The following MPHOSPH8 variants were observed in gnomAD, a reference collection of about 807,000 sequenced individuals.
MPHOSPH8 encodes the protein M-phase phosphoprotein 8.
MPHOSPH8 carries 45 observed loss-of-function variants against 87.3 expected under a neutral mutation model. That is an observed-to-expected ratio of 0.52 (90% CI 0.41 to 0.66). The LOEUF is 0.66. Ranked by LOEUF, MPHOSPH8 falls within the 30% of genes least tolerant of loss-of-function variation. MPHOSPH8 has a pLI of 0.00. For synonymous variants in MPHOSPH8, 366 were observed against 376.9 expected (o/e 0.97, Z 0.33); for missense variants, 883 against 1,020.2 (o/e 0.87, Z 1.83).
At chr13:19,642,521 T>C (rs1874352188) in intron 2 of MPHOSPH8, among the ~76,000 whole-genome samples, 1 of 152,166 alleles carries the variant, frequency 6.6e-6, no homozygotes, top group Non-Finnish European at 1.5e-5. Flanking sequence ...TTCCTTTAAG[T>C]TAAGAGTAAG....
intron 10 of MPHOSPH8, among the ~76,000 whole-genome samples, 183 bp from the exon 11 acceptor site, chr13:19,668,194 A>G (rs768981547): frequency 2.0e-5 from 3 of 152,220 alleles, no homozygotes; most frequent in Admixed American, 6.5e-5. Flanking sequence ...AATTCCACTG[A>G]GATGGACAAC....
At chr13:19,634,394 T>G (rs1196059796) in intron 1 of MPHOSPH8, among the ~76,000 whole-genome samples, 1 of 152,208 alleles carries the variant, frequency 6.6e-6, no homozygotes, top group African/African-American at 2.4e-5. Context: ...TCATTTGCCC[T>G]TGGAGTAAAA....
chr13:19,647,027 G>A lies in MPHOSPH8; in HGVS notation c.954G>A (p.Met318Ile), dbSNP rs200779752. ...TTGAGAAGCCCCTAGACAGTGCCAT[G>A]AGTGCTGAGGAGGATACCGATGTCA... Reference protein sequence around the residue: ...HGFEKPLDSAMSAEEDTDVRG... With the variant: ...HGFEKPLDSAISAEEDTDVRG... The change falls in exon 3 of 14, where the codon ATG becomes ATA. Residue 318 changes from methionine (M) to isoleucine (I), a missense_variant. This residue lies in a region of MPHOSPH8 where 741 missense variants were observed against 841.5 expected (regional missense o/e 0.88). Transcript: ENST00000361479. 38 of 1,605,294 alleles carry A rather than the reference G, an allele frequency of 2.4e-5. No homozygotes were observed. The Admixed American group carries it at 3.5e-4, about 15-fold the overall frequency.
At chr13:19,642,463 C>T (rs992638872) in intron 2 of MPHOSPH8, among the ~76,000 whole-genome samples, 193 bp downstream of exon 2, 53 of 152,258 alleles carry the variant, frequency 3.5e-4, no homozygotes, top group African/African-American at 1.3e-3. Flanking sequence ...ACCCAACCTA[C>T]AGTTGCAGTT....
intron 1 of MPHOSPH8, among the ~76,000 whole-genome samples, chr13:19,638,548 G>A (rs886106753): frequency 4.6e-5 from 7 of 151,826 alleles, no homozygotes; most frequent in East Asian, 1.9e-4. Context: ...AGGAGGCGAA[G>A]GTTGTGGTGA....
chr13:19,658,711 T>G (rs1021214307), intron 5 of MPHOSPH8, among the ~76,000 whole-genome samples: 3 of 152,214 alleles, frequency 2.0e-5, no homozygotes, highest in Non-Finnish European at 2.9e-5. Flanking sequence ...CCCTCCTTCC[T>G]TTGAGCTACT....
intron 12 of MPHOSPH8, chr13:19,670,804 A>T: frequency 8.2e-7 from 1 of 1,218,718 alleles, no homozygotes; most frequent in Admixed American, 3.4e-5. Context: ...TAATAAATCA[A>T]GGGAAAAATA....
At chr13:19,670,430 T>C in intron 12 of MPHOSPH8, 67 bp downstream of exon 12, 1 of 1,519,430 alleles carries the variant, frequency 6.6e-7, no homozygotes, top group Non-Finnish European at 9.0e-7. Context: ...ATGACTTAAT[T>C]TTAAATTCCT....
chr13:19,669,093 G>A (rs1875978357), intron 11 of MPHOSPH8, among the ~76,000 whole-genome samples: 1 of 152,142 alleles, frequency 6.6e-6, no homozygotes, highest in African/African-American at 2.4e-5. Flanking sequence ...TAAATGGTTT[G>A]TATTCATTCC....
intron 5 of MPHOSPH8, among the ~76,000 whole-genome samples, chr13:19,654,427 G>A (rs963951694): frequency 5.3e-5 from 8 of 152,084 alleles, no homozygotes; most frequent in Non-Finnish European, 1.2e-4. Flanking sequence ...GTATGCCTGT[G>A]TAACAGACCT....
At chr13:19,642,685 T>TAA (rs75653621) in intron 2 of MPHOSPH8, among the ~76,000 whole-genome samples, 11 of 142,140 alleles carry the variant, frequency 7.7e-5, no homozygotes, top group Admixed American at 1.4e-4. Flanking sequence ...GGACCTGGTT[T>TAA]AAAAAAAAAA....
At chr13:19,663,276 A>C (rs991015340) in intron 9 of MPHOSPH8, 150 bp downstream of exon 9, 3 of 707,998 alleles carry the variant, frequency 4.2e-6, no homozygotes, top group Non-Finnish European at 7.3e-6. Context: ...GGAGAAGGAG[A>C]AGCGGGCTGG....
At chr13:19,655,812 A>G (rs959300663) in intron 5 of MPHOSPH8, among the ~76,000 whole-genome samples, 6 of 152,200 alleles carry the variant, frequency 3.9e-5, no homozygotes, top group African/African-American at 1.4e-4. Flanking sequence ...ATTGGAAAGG[A>G]ACGGGGAGGG....
rs34817892 is a variant in MPHOSPH8 at position 19,659,955 on chromosome 13, A to ATT, written c.1791+689_1791+690dup. On this transcript the variant is annotated intron_variant, in intron 7 of 13. Transcript: ENST00000361479. Reference sequence around the variant, plus strand: ...GGATTTTTCATACTGATATGTATGGATTTTTTTTTTTTTTTTTTTTTTTTG... The same window carrying ATT: ...GGATTTTTCATACTGATATGTATGGATTTTTTTTTTTTTTTTTTTTTTTTTTG... 3.7e-3 allele frequency among the ~76,000 whole-genome samples: 216 copies of ATT among 59,124 alleles called. 3 individuals carry two copies. Among genetic ancestry groups the ATT allele is most frequent in the African/African-American group, 5.3e-3 (89 of 16,742 alleles). The allele number at this position is 59,124 out of a possible 152,430, so 38.8% of individuals were successfully genotyped here.
At chr13:19,662,866 G>A (rs1161493986) in intron 8 of MPHOSPH8, among the ~76,000 whole-genome samples, 174 bp from the exon 9 acceptor site, 1 of 152,238 alleles carries the variant, frequency 6.6e-6, no homozygotes, top group African/African-American at 2.4e-5. Context: ...GGCCACGTTT[G>A]GGCCTCTGTG....
rs1285245588 is a variant in MPHOSPH8 at position 19,661,801 on chromosome 13, A to G, written c.1895A>G (p.Lys632Arg). ...TKGAKVNGRQ[K>R]NGTTALIHAA... is the part of the protein sequence containing the mutation. Reference sequence around the variant, plus strand: ...GGCGCGAAAGTGAACGGTCGGCAGAAGAACGGGACCACCGCCCTCATTCAT... The same window carrying G: ...GGCGCGAAAGTGAACGGTCGGCAGAGGAACGGGACCACCGCCCTCATTCAT... Residue 632 changes from lysine (K) to arginine (R), a missense_variant, in exon 8 of 14, where the codon AAG becomes AGG. Lys to Arg is a conservative substitution (Grantham distance 26). Coordinates refer to ENST00000361479, the MANE Select transcript of MPHOSPH8 (RefSeq NM_017520.4). 1 of 1,613,358 alleles carries G rather than the reference A, an allele frequency of 6.2e-7. No homozygotes were observed. The highest frequency in any genetic ancestry group is 1.3e-5 in the African/African-American group (1 of 74,912).
chr13:19,672,825 C>G lies in MPHOSPH8; in HGVS notation c.*950C>G. ...TATTAAATGTGAACTTTTAGCAGAG[C>G]GTGGTGGCTCACACCTATAATCCCA... On this transcript the variant is annotated 3_prime_UTR_variant, in exon 14 of 14. Transcript: ENST00000361479. The G allele has an allele frequency of 6.8e-6, 2 of 296,160 alleles. No individual in the cohort carries two copies. The highest frequency in any genetic ancestry group is 3.4e-5 in the South Asian group (1 of 29,678). 18.3% of individuals were successfully genotyped at this position (296,160 alleles called of 1,614,324 possible).
At chr13:19,651,762 A>G (rs989900720) in intron 5 of MPHOSPH8, among the ~76,000 whole-genome samples, 6 of 152,144 alleles carry the variant, frequency 3.9e-5, no homozygotes, top group African/African-American at 1.4e-4. Context: ...TTGGGAAAAA[A>G]ATAATGAGAC....
intron 5 of MPHOSPH8, among the ~76,000 whole-genome samples, chr13:19,653,652 A>C (rs1874982764): frequency 6.6e-6 from 1 of 152,230 alleles, no homozygotes; most frequent in African/African-American, 2.4e-5. Context: ...AAGGAAGCTA[A>C]GAACCTTGAG....
Sources: gnomAD v4.1 joint callset for allele counts (sites outside exome capture counted in the v4.1 genomes callset) on GRCh38, gnomAD v4.1.1 for gene constraint, gnomAD v4.1.1 regional missense constraint, MANE v1.5 for transcripts, NCBI Gene and HGNC (gene_info 2026-07-23, HGNC 2026-07-21) for gene names.